ANKH: variants seen among roughly 807,000 people sequenced by gnomAD.
ANKH encodes the protein mineralization regulator ANKH.
ANKH carries 15 observed loss-of-function variants against 49.0 expected under a neutral mutation model. The ratio of observed to expected loss-of-function variants is 0.31; its 90% CI spans 0.20 to 0.47. ANKH has a LOEUF of 0.47. ANKH is among the 20% of genes least tolerant of loss of function. The pLI, the probability that ANKH is intolerant of heterozygous loss-of-function variation, is 1.00. For synonymous variants in ANKH, 273 were observed against 260.0 expected (o/e 1.05, Z -0.48); for missense variants, 429 against 652.0 (o/e 0.66, Z 3.72).
chr5:14,774,706 G>C (rs556496786), intron 1 of ANKH, among the ~76,000 whole-genome samples: 1 of 152,088 alleles, frequency 6.6e-6, no homozygotes, highest in Admixed American at 6.6e-5. Context: ...TCCTAACATA[G>C]TATCACATCT....
rs150928545 is a variant in ANKH at position 14,795,208 on chromosome 5, G to A, written c.97-26017C>T. On this transcript the variant is annotated intron_variant, in intron 1 of 11. Transcript: ENST00000284268. Reference sequence around the variant, plus strand: ...AGCAAAATCCAGTTGCTGACTTGGAGCCATTACCACCAGCCATGAAAAGGT... The same window carrying A: ...AGCAAAATCCAGTTGCTGACTTGGAACCATTACCACCAGCCATGAAAAGGT... 5.1e-3 allele frequency among the ~76,000 whole-genome samples: 780 copies of A among 152,248 alleles called. 8 individuals carry two copies. The highest frequency in any genetic ancestry group is 0.018 in the African/African-American group (751 of 41,548).
At chr5:14,807,366 T>G (rs1026291878) in intron 1 of ANKH, among the ~76,000 whole-genome samples, 10 of 152,058 alleles carry the variant, frequency 6.6e-5, no homozygotes, top group South Asian at 6.2e-4. Flanking sequence ...CCACCCGCCT[T>G]GGCCTCCCAA....
chr5:14,750,011 T>TA (rs1048168736), intron 5 of ANKH, among the ~76,000 whole-genome samples: 7 of 152,232 alleles, frequency 4.6e-5, no homozygotes, highest in African/African-American at 1.4e-4. Context: ...TGCTGGTGGC[T>TA]AAATGTTAAG....
intron 1 of ANKH, among the ~76,000 whole-genome samples, chr5:14,785,626 C>T (rs1418698866): frequency 6.6e-6 from 1 of 152,172 alleles, no homozygotes; most frequent in African/African-American, 2.4e-5. Flanking sequence ...AATGCAAAAA[C>T]TAATACGCCA....
intron 1 of ANKH, among the ~76,000 whole-genome samples, chr5:14,810,154 G>A (rs1342792779): frequency 7.0e-6 from 1 of 142,640 alleles, no homozygotes; most frequent in African/African-American, 2.6e-5. Context: ...GCATAAAAAC[G>A]ATTGACTTTT....
At chr5:14,826,992 C>A in intron 1 of ANKH, among the ~76,000 whole-genome samples, 1 of 152,164 alleles carries the variant, frequency 6.6e-6, no homozygotes, top group East Asian at 1.9e-4. Flanking sequence ...AAACTCCTGA[C>A]CAAACCTCTT....
At chr5:14,842,532 A>T (rs1741842759) in intron 1 of ANKH, among the ~76,000 whole-genome samples, 1 of 152,046 alleles carries the variant, frequency 6.6e-6, no homozygotes, top group Admixed American at 6.5e-5. Context: ...TAGGACACAG[A>T]CTCTCTTCTA....
At position 14,760,778 on chromosome 5, in the gene ANKH, C is replaced by T. The variant is rs568546580; in HGVS notation, c.314-2180G>A. 1.9e-4 allele frequency among the ~76,000 whole-genome samples: 29 copies of T among 152,300 alleles called. 1 individual carries two copies. The South Asian group carries it at 3.7e-3, about 20-fold the overall frequency. On this transcript the variant is annotated intron_variant, in intron 2 of 11. Coordinates refer to ENST00000284268, the MANE Select transcript of ANKH (RefSeq NM_054027.6). ...AGCTAAAATCCCCTGGTGAAGGTTA[C>T]GGTCACTATAAAACACCAGCTGAGG...
chr5:14,809,351 A>G lies in ANKH; in HGVS notation c.97-40160T>C, dbSNP rs1404800538. On this transcript the variant is annotated intron_variant, in intron 1 of 11. Transcript: ENST00000284268. ...AGAGTATAATAAAAAAAAAAAAAAAAAAAAAAGAAAAAAAAAGAAATGGAA... is the reference window on the plus strand; with the variant it reads ...AGAGTATAATAAAAAAAAAAAAAAAGAAAAAAGAAAAAAAAAGAAATGGAA... Among the ~76,000 whole-genome samples, 20 of 147,196 alleles carry G rather than the reference A, an allele frequency of 1.4e-4. No individual in the cohort carries two copies. In the Middle Eastern group the frequency reaches 0.01, roughly 75 times the overall value.
intron 1 of ANKH, among the ~76,000 whole-genome samples, chr5:14,850,979 C>A (rs1166191683): frequency 6.6e-6 from 1 of 151,794 alleles, no homozygotes; most frequent in African/African-American, 2.4e-5. Context: ...TGGGGGCAGG[C>A]AAAGGCGTGG....
Position 14,866,756 on chromosome 5 carries a change from A to C in ANKH, c.96+4596T>G, listed in dbSNP as rs773911570. Among the ~76,000 whole-genome samples, 35 of 152,332 alleles carry C rather than the reference A, an allele frequency of 2.3e-4. No homozygotes were observed. The Middle Eastern group carries it at 0.014, about 59-fold the overall frequency. On this transcript the variant is annotated intron_variant, in intron 1 of 11. Coordinates refer to ENST00000284268, the MANE Select transcript of ANKH (RefSeq NM_054027.6). ...AAGCTATGCCAACCTTGTTAAAATA[A>C]GATACAGTGTTGACTTAATTATCTG...
At chr5:14,720,700 G>C (rs1737631916) in intron 8 of ANKH, among the ~76,000 whole-genome samples, 1 of 152,230 alleles carries the variant, frequency 6.6e-6, no homozygotes, top group Non-Finnish European at 1.5e-5. Context: ...AAGGGTTAGA[G>C]AGAGACCTAG....
At chr5:14,798,677 T>C (rs1223877012) in intron 1 of ANKH, among the ~76,000 whole-genome samples, 1 of 152,194 alleles carries the variant, frequency 6.6e-6, no homozygotes, top group Non-Finnish European at 1.5e-5. Flanking sequence ...TGATAGGTGA[T>C]CTTTAATGTG....
Position 14,787,620 on chromosome 5 carries a change from GA to G in ANKH, c.97-18430del, listed in dbSNP as rs549649687. 4.4e-4 allele frequency among the ~76,000 whole-genome samples: 67 copies of G among 151,854 alleles called. 3 individuals carry two copies. The East Asian group carries it at 0.012, about 28-fold the overall frequency. On this transcript the variant is annotated intron_variant, in intron 1 of 11. Coordinates refer to ENST00000284268, the MANE Select transcript of ANKH (RefSeq NM_054027.6). ...GATGCTACTTTTATTAATTTAAAAT[GA>G]AAAAAAATGAAAGCAACTTTATCAA...
At chr5:14,798,100 C>G (rs1422291723) in intron 1 of ANKH, 33 of 1,566,026 alleles carry the variant, frequency 2.1e-5, no homozygotes, top group Non-Finnish European at 2.7e-5. Flanking sequence ...TCTCCTTTCT[C>G]TCTGTCGTAG....
chr5:14,728,847 G>A (rs1737902378), intron 8 of ANKH, among the ~76,000 whole-genome samples: 1 of 152,154 alleles, frequency 6.6e-6, no homozygotes, highest in Non-Finnish European at 1.5e-5. Flanking sequence ...TTACTGAGAC[G>A]CAGCTGCAAA....
intron 2 of ANKH, 92 bp downstream of exon 2, chr5:14,768,883 A>G: frequency 1.5e-6 from 2 of 1,375,326 alleles, no homozygotes; most frequent in Non-Finnish European, 2.1e-6. Context: ...ATTAGTGAAG[A>G]AACCACTTAT....
intron 3 of ANKH, among the ~76,000 whole-genome samples, chr5:14,756,605 T>C (rs1738893193): frequency 6.6e-6 from 1 of 152,188 alleles, no homozygotes; most frequent in South Asian, 2.1e-4. Context: ...CTACGCACAA[T>C]GAGGCAAGCA....
chr5:14,798,491 A>G, intron 1 of ANKH: 1 of 852,162 alleles, frequency 1.2e-6, no homozygotes, highest in Non-Finnish European at 1.7e-6. Flanking sequence ...CGCGGTCTCT[A>G]TTTTTTTTTT....
Sources: allele counts gnomAD v4.1 joint callset (sites outside exome capture counted in the v4.1 genomes callset), GRCh38; gene constraint gnomAD v4.1.1; transcripts MANE v1.5; gene names NCBI Gene and HGNC (gene_info 2026-07-23, HGNC 2026-07-21).